The following PLCB1 variants were observed in gnomAD, a reference collection of about 807,000 sequenced individuals.
PLCB1 encodes the protein phospholipase C beta 1.
PLCB1 carries 46 observed loss-of-function variants against 161.8 expected under a neutral mutation model. The observed-to-expected ratio is 0.28, with a 90% confidence interval of 0.22 to 0.36. The LOEUF (loss-of-function observed/expected upper bound fraction) is 0.36. Among genes scored for constraint, PLCB1 ranks in the 10% least tolerant of loss-of-function variants. PLCB1 has a pLI of 1.00. For synonymous variants in PLCB1, 517 were observed against 503.7 expected, an observed-to-expected ratio of 1.03 and a Z score of -0.35; for missense variants, 1,016 against 1,472.5, an observed-to-expected ratio of 0.69 and a Z score of 5.07.
intron 3 of PLCB1, among the ~76,000 whole-genome samples, chr20:8,523,353 T>G (rs1189035257): frequency 6.7e-6 from 1 of 148,382 alleles, no homozygotes; most frequent in Non-Finnish European, 1.5e-5. Context: ...GAGCAAAAAT[T>G]AGAGTCAAGA....
At chr20:8,507,107 A>G (rs1252507092) in intron 3 of PLCB1, among the ~76,000 whole-genome samples, 1 of 152,178 alleles carries the variant, frequency 6.6e-6, no homozygotes, top group African/African-American at 2.4e-5. Flanking sequence ...AGAAAATAAA[A>G]TGCTACTAAG....
At chr20:8,184,741 G>A (rs1450470608) in intron 2 of PLCB1, among the ~76,000 whole-genome samples, 1 of 149,252 alleles carries the variant, frequency 6.7e-6, no homozygotes, top group East Asian at 1.9e-4. Flanking sequence ...CTATCAGATT[G>A]TCAACATTTC....
rs377445177 is a variant in PLCB1 at position 8,612,723 on chromosome 20, A to T, written c.247-15571A>T. ...GAGCTTAAAGCCCCTTCCCTAGCAG[A>T]GCTTCATTACACAAAAATGGAACTA... On this transcript the variant is annotated intron_variant, in intron 3 of 31. Transcript: ENST00000338037. Among the ~76,000 whole-genome samples, 49 of 152,284 alleles carry T rather than the reference A, an allele frequency of 3.2e-4. 1 individual carries two copies. The South Asian group carries it at 0.01, about 32-fold the overall frequency.
At chr20:8,458,563 T>TTTAAC in intron 3 of PLCB1, among the ~76,000 whole-genome samples, 1 of 152,316 alleles carries the variant, frequency 6.6e-6, no homozygotes, top group South Asian at 2.1e-4. Flanking sequence ...GCCCAGGCCT[T>TTTAAC]CACTCTTAAC....
chr20:8,371,581 C>A, intron 3 of PLCB1, 131 bp downstream of exon 3: 1 of 550,570 alleles, frequency 1.8e-6, no homozygotes, highest in Non-Finnish European at 3.2e-6. Flanking sequence ...CCAGTATGCC[C>A]TAAACACTTT....
chr20:8,217,680 C>T (rs1236531478), intron 2 of PLCB1, among the ~76,000 whole-genome samples: 1 of 152,112 alleles, frequency 6.6e-6, no homozygotes, highest in Non-Finnish European at 1.5e-5. Context: ...TCAGTATGTC[C>T]TCCAAAGTTT....
chr20:8,160,191 T>A (rs1329125184), intron 2 of PLCB1, among the ~76,000 whole-genome samples: 1 of 152,150 alleles, frequency 6.6e-6, no homozygotes. Flanking sequence ...AGCCTGGACC[T>A]TATTGTTCAT....
intron 27 of PLCB1, among the ~76,000 whole-genome samples, chr20:8,786,203 G>A (rs1486189444): frequency 1.3e-5 from 2 of 152,164 alleles, no homozygotes; most frequent in Admixed American, 6.5e-5. Context: ...AAGGGAAGGT[G>A]CTAGTGAGAG....
At chr20:8,510,095 A>G (rs1467527911) in intron 3 of PLCB1, among the ~76,000 whole-genome samples, 1 of 152,206 alleles carries the variant, frequency 6.6e-6, no homozygotes, top group Non-Finnish European at 1.5e-5. Context: ...TAGATTTTGT[A>G]GGTGATAAGG....
intron 3 of PLCB1, among the ~76,000 whole-genome samples, chr20:8,582,878 A>G (rs942894669): frequency 2.0e-5 from 3 of 151,858 alleles, no homozygotes; most frequent in Admixed American, 6.6e-5. Flanking sequence ...AATCCCAGCT[A>G]CTTGGGAAGC....
At chr20:8,168,209 A>C (rs549401532) in intron 2 of PLCB1, among the ~76,000 whole-genome samples, 167 of 152,348 alleles carry the variant, frequency 1.1e-3, no homozygotes, top group Non-Finnish European at 2.0e-3. Flanking sequence ...TGATGACAAG[A>C]TCTGAAAAGT....
At chr20:8,774,854 CAG>C in intron 27 of PLCB1, 135 bp downstream of exon 27, 2 of 590,646 alleles carry the variant, frequency 3.4e-6, no homozygotes, top group Non-Finnish European at 5.9e-6. Context: ...TTAGGTGACA[CAG>C]TGTCCATCAC....
intron 3 of PLCB1, among the ~76,000 whole-genome samples, chr20:8,511,157 T>C (rs1261172981): frequency 6.6e-6 from 1 of 152,040 alleles, no homozygotes; most frequent in Non-Finnish European, 1.5e-5. Context: ...TAACCACCAT[T>C]CTACTCTCTA....
chr20:8,756,688 A>G (rs182810150), intron 23 of PLCB1, among the ~76,000 whole-genome samples: 2 of 152,268 alleles, frequency 1.3e-5, no homozygotes, highest in East Asian at 1.9e-4. Flanking sequence ...CTCCATTGCT[A>G]TAATAGGACC....
rs561177528 is a variant in PLCB1 at position 8,627,664 on chromosome 20, G to A, written c.247-630G>A. Among the ~76,000 whole-genome samples the A allele has an allele frequency of 5.9e-5, 9 of 152,316 alleles. No individual in the cohort carries two copies. The South Asian group carries it at 1.0e-3, about 18-fold the overall frequency. On this transcript the variant is annotated intron_variant, in intron 3 of 31. Coordinates refer to ENST00000338037, the MANE Select transcript of PLCB1 (RefSeq NM_015192.4). ...TCCCAGCAGGACTACATCTCCAAAG[G>A]ATTTCCATTTATGATGACCCAAAGA...
At chr20:8,532,385 C>T (rs575358501) in intron 3 of PLCB1, among the ~76,000 whole-genome samples, 1 of 152,180 alleles carries the variant, frequency 6.6e-6, no homozygotes, top group Non-Finnish European at 1.5e-5. Context: ...ATCTCTTCCA[C>T]ACATATGGTT....
At chr20:8,264,434 A>G (rs917370394) in intron 2 of PLCB1, among the ~76,000 whole-genome samples, 2 of 152,214 alleles carry the variant, frequency 1.3e-5, no homozygotes, top group African/African-American at 2.4e-5. Context: ...TGTATAGTAT[A>G]GTATAGTAAA....
intron 2 of PLCB1, chr20:8,249,757 T>C (rs560038614): frequency 6.6e-6 from 1 of 152,078 alleles, no homozygotes; most frequent in East Asian, 1.9e-4. Context: ...AGACAGTCTG[T>C]CGCTGTGTGT....
At chr20:8,848,312 C>T (rs995240729) in intron 31 of PLCB1, among the ~76,000 whole-genome samples, 2 of 152,136 alleles carry the variant, frequency 1.3e-5, no homozygotes, top group African/African-American at 4.8e-5. Flanking sequence ...GGAAGCTTTA[C>T]ATCATTATTT....
Sources: allele counts gnomAD v4.1 joint callset (sites outside exome capture counted in the v4.1 genomes callset), GRCh38; gene constraint gnomAD v4.1.1; transcripts MANE v1.5; gene names NCBI Gene and HGNC (gene_info 2026-07-23, HGNC 2026-07-21).